Variants in ABCA12 observed in about 807,000 individuals in gnomAD.
The protein encoded by ABCA12 is ATP binding cassette subfamily A member 12.
Under a neutral mutation model 293.5 loss-of-function variants are expected in ABCA12, and 156 were observed. The observed-to-expected ratio is 0.53, with a 90% CI of 0.47 to 0.61. The LOEUF is 0.61. Among genes scored for constraint, ABCA12 ranks in the 20% least tolerant of loss-of-function variants. The pLI, the probability that ABCA12 is intolerant of heterozygous loss-of-function variation, is 0.00. For missense variants in ABCA12, 2,797 were observed against 3,090.2 expected, an observed-to-expected ratio of 0.91 and a Z score of 2.25; for synonymous variants, 1,063 against 1,108.0, an observed-to-expected ratio of 0.96 and a Z score of 0.81.
intron 2 of ABCA12, among the ~76,000 whole-genome samples, chr2:215,069,590 A>T (rs1413636846): frequency 6.6e-6 from 1 of 152,246 alleles, no homozygotes; most frequent in Non-Finnish European, 1.5e-5. Flanking sequence ...TCGTAACATT[A>T]TATCAGGAGC....
intron 14 of ABCA12, among the ~76,000 whole-genome samples, chr2:215,016,886 A>G (rs1700517563): frequency 6.6e-6 from 1 of 152,136 alleles, no homozygotes; most frequent in Non-Finnish European, 1.5e-5. Flanking sequence ...TCAAGGCCAC[A>G]GGAACTTTTC....
At chr2:214,944,012 G>A (rs564876708) in intron 49 of ABCA12, among the ~76,000 whole-genome samples, 2 of 152,312 alleles carry the variant, frequency 1.3e-5, no homozygotes, top group African/African-American at 4.8e-5. Context: ...AAATGATTTA[G>A]TATCTCCTAT....
At chr2:215,094,380 G>C (rs557950156) in intron 2 of ABCA12, among the ~76,000 whole-genome samples, 1 of 152,166 alleles carries the variant, frequency 6.6e-6, no homozygotes, top group East Asian at 1.9e-4. Flanking sequence ...TCCAACTTCT[G>C]TCCCTCATGG....
intron 7 of ABCA12, among the ~76,000 whole-genome samples, chr2:215,037,959 C>T (rs1701024611): frequency 6.6e-6 from 1 of 152,044 alleles, no homozygotes; most frequent in Non-Finnish European, 1.5e-5. Context: ...AGTAATTTTT[C>T]CCTATCTAGT....
rs1698454466 is a variant in ABCA12 at position 214,942,946 on chromosome 2, G to T, written c.7415C>A (p.Ser2472Tyr). 1.2e-6 allele frequency: 2 copies of T among 1,613,322 alleles called. No homozygotes were observed. Among genetic ancestry groups the T allele is most frequent in the African/African-American group, 1.3e-5 (1 of 75,000 alleles). The change falls in exon 50 of 53, where the codon TCT becomes TAT. Residue 2472 changes from serine to tyrosine, a missense_variant. Transcript: ENST00000272895. The stretch of plus-strand genomic sequence containing the variant: ...TCACCTGCTCTTTATGTGCTGCAAA[G>T]ATCCAATACATTGAAACTTTCCATT... The part of the protein sequence containing the change: ...MVNGKFQCIG[S>Y]LQHIKSRFGR...
intron 33 of ABCA12, among the ~76,000 whole-genome samples, chr2:214,976,937 C>T (rs1019365402): frequency 2.0e-5 from 3 of 152,176 alleles, no homozygotes; most frequent in African/African-American, 7.2e-5. Context: ...TGATGGTATT[C>T]ATCAACTCTG....
intron 7 of ABCA12, among the ~76,000 whole-genome samples, chr2:215,042,066 G>C (rs937678058): frequency 2.6e-5 from 4 of 152,194 alleles, no homozygotes; most frequent in Admixed American, 2.6e-4. Context: ...TGGAGTTTCA[G>C]TTAAGCAAGA....
At chr2:215,018,737 G>A (rs1016610871) in intron 13 of ABCA12, among the ~76,000 whole-genome samples, 1 of 152,158 alleles carries the variant, frequency 6.6e-6, no homozygotes, top group Non-Finnish European at 1.5e-5. Flanking sequence ...TTAGCAGATT[G>A]TAATAATCAT....
At chr2:215,097,539 G>T (rs1474330) in intron 2 of ABCA12, among the ~76,000 whole-genome samples, 149,182 of 152,246 alleles carry the variant, frequency 0.98, 73,154 homozygotes, top group East Asian at 1. Flanking sequence ...GGTGTGCACA[G>T]CTGGGTGCTA....
chr2:215,087,154 C>A (rs1451425796), intron 2 of ABCA12, among the ~76,000 whole-genome samples: 1 of 152,074 alleles, frequency 6.6e-6, no homozygotes, highest in Non-Finnish European at 1.5e-5. Flanking sequence ...GTTGGTCAGG[C>A]CTGTCTCAAA....
intron 23 of ABCA12, among the ~76,000 whole-genome samples, chr2:214,996,813 G>GT (rs1247549341): frequency 2.0e-5 from 3 of 152,136 alleles, no homozygotes; most frequent in Admixed American, 2.0e-4. Context: ...CATTGGCAAG[G>GT]TAAGTCTGAA....
chr2:214,935,054 C>G (rs1438697225), intron 51 of ABCA12, among the ~76,000 whole-genome samples: 1 of 152,128 alleles, frequency 6.6e-6, no homozygotes, highest in Non-Finnish European at 1.5e-5. Flanking sequence ...AGAATCTACC[C>G]CTGTGACGCC....
Position 214,948,582 on chromosome 2 carries a change from A to T in ABCA12, c.7104+14T>A, listed in dbSNP as rs1341337716. 6.2e-7 allele frequency: 1 copy of T among 1,613,596 alleles called. No individual in the cohort carries two copies. Among genetic ancestry groups the T allele is most frequent in the Non-Finnish European group, 8.5e-7 (1 of 1,179,624 alleles). The stretch of plus-strand genomic sequence containing the variant: ...ATGGTTTCAAATTAAGTAATTTTTC[A>T]CACTTGTACTCACTTCTTTAATATC... On this transcript the variant is annotated intron_variant, in intron 47 of 52. Transcript: ENST00000272895.
intron 7 of ABCA12, chr2:215,044,594 G>A (rs1003598374): frequency 2.0e-5 from 3 of 152,154 alleles, no homozygotes; most frequent in Non-Finnish European, 4.4e-5. Flanking sequence ...TGCTTCTTCT[G>A]TATTCCAGTT....
intron 36 of ABCA12, among the ~76,000 whole-genome samples, chr2:214,973,194 C>T (rs1312224684): frequency 2.0e-5 from 3 of 152,122 alleles, no homozygotes; most frequent in Non-Finnish European, 4.4e-5. Context: ...TTGTTAGTAT[C>T]TATTTTGCAT....
chr2:215,063,157 G>C (rs544641279), intron 3 of ABCA12, among the ~76,000 whole-genome samples: 75 of 151,992 alleles, frequency 4.9e-4, no homozygotes, highest in African/African-American at 1.8e-3. Context: ...TTCTTAACAT[G>C]TTTATATTTT....
intron 48 of ABCA12, among the ~76,000 whole-genome samples, chr2:214,946,030 C>A (rs1698572639): frequency 6.6e-6 from 1 of 151,814 alleles, no homozygotes; most frequent in South Asian, 2.1e-4. Context: ...CTATAGTTAA[C>A]AATAATTTCT....
intron 8 of ABCA12, among the ~76,000 whole-genome samples, chr2:215,036,260 C>T (rs1261312848): frequency 1.3e-5 from 2 of 152,138 alleles, no homozygotes; most frequent in Non-Finnish European, 2.9e-5. Flanking sequence ...TATTTCAATA[C>T]TATGTAATGA....
intron 1 of ABCA12, among the ~76,000 whole-genome samples, chr2:215,118,085 C>A (rs1294447642): frequency 6.6e-6 from 1 of 152,052 alleles, no homozygotes; most frequent in Non-Finnish European, 1.5e-5. Flanking sequence ...ACTAGAGTAG[C>A]CTGAGGCTGG....
Sources: gnomAD v4.1 joint callset for allele counts (sites outside exome capture counted in the v4.1 genomes callset) on GRCh38, gnomAD v4.1.1 for gene constraint, MANE v1.5 for transcripts, NCBI Gene and HGNC (gene_info 2026-07-23, HGNC 2026-07-21) for gene names.